Variants in SNCB observed in about 807,000 individuals in gnomAD.
SNCB encodes beta-synuclein.
Under a neutral mutation model 20.0 loss-of-function variants are expected in SNCB, and 8 were observed. The observed-to-expected ratio is 0.40, with a 90% CI of 0.24 to 0.72. The LOEUF (loss-of-function observed/expected upper bound fraction) is 0.72, where lower values mean the gene tolerates loss of function less well. Ranked by LOEUF, SNCB falls within the 30% of genes least tolerant of loss-of-function variation. SNCB has a pLI of 0.37. For missense variants in SNCB, 125 were observed against 168.0 expected (o/e 0.74, Z 1.41); for synonymous variants, 56 against 65.4 (o/e 0.86, Z 0.69).
Position 176,621,201 on chromosome 5 carries a change from GCTGCCCCCTCAC to G in SNCB, c.372+1_372+12del. The G allele has an allele frequency of 1.9e-6, 3 of 1,602,032 alleles. No individual in the cohort carries two copies. The highest frequency in any genetic ancestry group is 2.6e-6 in the Non-Finnish European group (3 of 1,170,996). ...GATTCCCAAAGTCCCGCCCAGCCCT[GCTGCCCCCTCAC>G]CTGGGGTGGGTCCTCATAACTCTCC... is the stretch of plus-strand genomic sequence containing the variant. On this transcript the variant is annotated splice_donor_variant and splice_donor_5th_base_variant and intron_variant, in intron 5 of 5. Coordinates refer to ENST00000393693, the MANE Select transcript of SNCB (RefSeq NM_003085.5). LOFTEE classifies it high-confidence loss of function. This position sits in a 1 kb window ranked among gnomAD's most constrained non-coding sequence, Gnocchi z 4.1.
At position 176,620,610 on chromosome 5, in the gene SNCB, C is replaced by G; in HGVS notation, c.*201G>C. On this transcript the variant is annotated 3_prime_UTR_variant, in exon 6 of 6. Transcript: ENST00000393693. The surrounding 1 kb of genome is among the most constrained non-coding windows in gnomAD (Gnocchi z 4.5). ...TCCCAGCCGCGACCGCAACCCTGGCCCTGTCCATGCCCCGGGGTTGGACGC... is the reference window on the plus strand; with the variant it reads ...TCCCAGCCGCGACCGCAACCCTGGCGCTGTCCATGCCCCGGGGTTGGACGC... 3.3e-6 allele frequency: 2 copies of G among 613,678 alleles called. No homozygotes were observed. Among genetic ancestry groups the G allele is most frequent in the South Asian group, 3.9e-5 (2 of 51,854 alleles). 38.0% of individuals were successfully genotyped at this position (613,678 alleles called of 1,614,324 possible).
chr5:176,620,953 A>T lies in SNCB; in HGVS notation c.373-110T>A. ...ACCCTCTCCCTGAAGGAGGAATAGC[A>T]CATTCCCCTTTTCCTGGGCAGGGGA... On this transcript the variant is annotated intron_variant, in intron 5 of 5. Transcript: ENST00000393693. This position sits in a 1 kb window ranked among gnomAD's most constrained non-coding sequence, Gnocchi z 4.5. 1 of 974,234 alleles carries T rather than the reference A, an allele frequency of 1.0e-6. No individual in the cohort carries two copies. The highest frequency in any genetic ancestry group is 1.7e-6 in the Non-Finnish European group (1 of 605,038). The allele number at this position is 974,234 out of a possible 1,614,324, so 60.3% of individuals were successfully genotyped here.
chr5:176,626,294 A>G lies in SNCB; in HGVS notation c.282+104T>C. On this transcript the variant is annotated intron_variant, in intron 4 of 5. Coordinates refer to ENST00000393693, the MANE Select transcript of SNCB (RefSeq NM_003085.5). This position sits in a 1 kb window ranked among gnomAD's most constrained non-coding sequence, Gnocchi z 4.2. ...GCTTGTGTTCCAAGCTGGTGGCAGG[A>G]TTAGGGGGGCGGGGATGGTGACAGG... The G allele has an allele frequency of 2.5e-5, 22 of 877,982 alleles. No homozygotes were observed. The highest frequency in any genetic ancestry group is 7.3e-5 in the East Asian group (3 of 41,074). 54.4% of individuals were successfully genotyped at this position (877,982 alleles called of 1,614,324 possible).
At position 176,629,186 on chromosome 5, in the gene SNCB, T is replaced by C. The variant is rs1003086669; in HGVS notation, c.121+348A>G. ...GCATTACATGAGGAAATGGATGTTA[T>C]GACATTTTACCCAGTACTTGGCATA... On this transcript the variant is annotated intron_variant, in intron 2 of 5. Transcript: ENST00000393693. The surrounding 1 kb of genome is among the most constrained non-coding windows in gnomAD (Gnocchi z 4.1). Among the ~76,000 whole-genome samples the C allele has an allele frequency of 2.0e-5, 3 of 152,174 alleles. No individual in the cohort carries two copies. Among genetic ancestry groups the C allele is most frequent in the African/African-American group, 7.2e-5 (3 of 41,410 alleles).
At position 176,621,860 on chromosome 5, in the gene SNCB, C is replaced by A. The variant is rs369085814; in HGVS notation, c.283-557G>T. 6.9e-4 allele frequency among the ~76,000 whole-genome samples: 105 copies of A among 152,362 alleles called. No individual in the cohort carries two copies. The highest frequency in any genetic ancestry group is 3.4e-3 in the Middle Eastern group (1 of 294). On this transcript the variant is annotated intron_variant, in intron 4 of 5. Transcript: ENST00000393693. The surrounding 1 kb of genome is among the most constrained non-coding windows in gnomAD (Gnocchi z 4.1). ...ATGTGTGAGCTAAGACTCTCCCCCC[C>A]ACCCGCTGCGTCTGCTGCCCAGACA...
intron 4 of SNCB, among the ~76,000 whole-genome samples, chr5:176,625,242 T>C (rs1759868434): frequency 6.6e-6 from 1 of 152,212 alleles, no homozygotes; most frequent in Non-Finnish European, 1.5e-5. Context: ...CAGCTCTTTA[T>C]ATCCATGGTT....
rs1332442793 is a variant in SNCB at position 176,626,525 on chromosome 5, G to C, written c.164-9C>G. 3.1e-6 allele frequency: 5 copies of C among 1,606,536 alleles called. No homozygotes were observed. The highest frequency in any genetic ancestry group is 3.4e-6 in the Non-Finnish European group (4 of 1,173,082). On this transcript the variant is annotated splice_polypyrimidine_tract_variant and intron_variant, in intron 3 of 5. Transcript: ENST00000393693. The surrounding 1 kb of genome is among the most constrained non-coding windows in gnomAD (Gnocchi z 4.2). ...CTTGGTTTTTTCAGCCACTGGAGCA[G>C]GGAGGGGGTTGAGGAAGGGGTTTGG... is the stretch of plus-strand genomic sequence containing the variant.
At chr5:176,625,695 T>C (rs963922445) in intron 4 of SNCB, among the ~76,000 whole-genome samples, 2 of 152,140 alleles carry the variant, frequency 1.3e-5, no homozygotes, top group Admixed American at 6.5e-5. Context: ...GAAACACAAC[T>C]GCACAGATCA....
intron 4 of SNCB, among the ~76,000 whole-genome samples, chr5:176,624,029 T>A (rs572618658): frequency 1.2e-4 from 19 of 152,316 alleles, no homozygotes; most frequent in Admixed American, 4.6e-4. Flanking sequence ...GAGTCCCCCA[T>A]GCCGCTGGTG....
rs1561899897 is a variant in SNCB at position 176,626,349 on chromosome 5, T to C, written c.282+49A>G. ...TTTGTGTGCCTGGTGTGTGTGTGTG[T>C]GTGTGTGTGTGTGTTTGCCTGCATG... On this transcript the variant is annotated intron_variant, in intron 4 of 5. Coordinates refer to ENST00000393693, the MANE Select transcript of SNCB (RefSeq NM_003085.5). This position sits in a 1 kb window ranked among gnomAD's most constrained non-coding sequence, Gnocchi z 4.2. 2.8e-6 allele frequency: 3 copies of C among 1,067,846 alleles called. No homozygotes were observed. Among genetic ancestry groups the C allele is most frequent in the African/African-American group, 1.6e-5 (1 of 64,338 alleles). 66.1% of individuals were successfully genotyped at this position (1,067,846 alleles called of 1,614,324 possible).
chr5:176,625,329 C>T (rs902447951), intron 4 of SNCB, among the ~76,000 whole-genome samples: 8 of 152,212 alleles, frequency 5.3e-5, no homozygotes, highest in Admixed American at 2.0e-4. Flanking sequence ...TCCAGCCCCA[C>T]CTCAGACCTA....
chr5:176,620,604 C>A lies in SNCB; in HGVS notation c.*207G>T. 1 of 610,518 alleles carries A rather than the reference C, an allele frequency of 1.6e-6. No homozygotes were observed. Among genetic ancestry groups the A allele is most frequent in the Non-Finnish European group, 2.9e-6 (1 of 342,212 alleles). 37.8% of individuals were successfully genotyped at this position (610,518 alleles called of 1,614,324 possible). A position where few individuals can be genotyped will look rare whatever the true frequency, so the allele number is the denominator to read the frequency against. ...CGAGGCTCCCAGCCGCGACCGCAAC[C>A]CTGGCCCTGTCCATGCCCCGGGGTT... On this transcript the variant is annotated 3_prime_UTR_variant, in exon 6 of 6. Transcript: ENST00000393693. The surrounding 1 kb of genome is among the most constrained non-coding windows in gnomAD (Gnocchi z 4.5).
At position 176,620,510 on chromosome 5, in the gene SNCB, C is replaced by T. The variant is rs1759511946; in HGVS notation, c.*301G>A. 4.6e-6 allele frequency: 2 copies of T among 431,508 alleles called. No individual in the cohort carries two copies. The highest frequency in any genetic ancestry group is 2.0e-5 in the African/African-American group (1 of 49,476). 26.7% of individuals were successfully genotyped at this position (431,508 alleles called of 1,614,324 possible). On this transcript the variant is annotated 3_prime_UTR_variant, in exon 6 of 6. Coordinates refer to ENST00000393693, the MANE Select transcript of SNCB (RefSeq NM_003085.5). The surrounding 1 kb of genome is among the most constrained non-coding windows in gnomAD (Gnocchi z 4.5). ...GGGGAGGAGCCGTCGCTCGGATCTTCGTTTAAAAACACATAGAACATGCTA... is the reference window on the plus strand; with the variant it reads ...GGGGAGGAGCCGTCGCTCGGATCTTTGTTTAAAAACACATAGAACATGCTA...
chr5:176,629,613 G>A lies in SNCB; in HGVS notation c.42C>T (p.Gly14=), dbSNP rs373426715. Residue 14 remains glycine (G), a synonymous_variant, in exon 2 of 6, where the codon GGC becomes GGT. Transcript: ENST00000393693. The surrounding 1 kb of genome is among the most constrained non-coding windows in gnomAD (Gnocchi z 4.1). ...FMKGLSMAKE[G]VVAAAEKTKQ... ...TGGTTTTCTCCGCGGCTGCCACAAC[G>A]CCCTCCTTGGCCATGGACAGGCCCT... 2.1e-5 allele frequency: 34 copies of A among 1,613,514 alleles called. No individual in the cohort carries two copies. The highest frequency in any genetic ancestry group is 3.3e-5 in the South Asian group (3 of 91,030).
chr5:176,621,341 A>G lies in SNCB; in HGVS notation c.283-38T>C. 2 of 1,555,982 alleles carry G rather than the reference A, an allele frequency of 1.3e-6. No individual in the cohort carries two copies. The highest frequency in any genetic ancestry group is 1.8e-6 in the Non-Finnish European group (2 of 1,134,978). ...AAGGTCAGGACTCGTGAGGACAGCCAGGATGCCCCCCAAATTCCCACAGTG... is the reference window on the plus strand; with the variant it reads ...AAGGTCAGGACTCGTGAGGACAGCCGGGATGCCCCCCAAATTCCCACAGTG... On this transcript the variant is annotated intron_variant, in intron 4 of 5. Coordinates refer to ENST00000393693, the MANE Select transcript of SNCB (RefSeq NM_003085.5). This position sits in a 1 kb window ranked among gnomAD's most constrained non-coding sequence, Gnocchi z 4.1.
intron 4 of SNCB, among the ~76,000 whole-genome samples, chr5:176,625,745 T>TC (rs1759900953): frequency 6.6e-6 from 1 of 152,192 alleles, no homozygotes; most frequent in Admixed American, 6.5e-5. Flanking sequence ...CCAACCTGCC[T>TC]CAGGGCCTTG....
At chr5:176,628,925 G>A (rs1445405649) in intron 2 of SNCB, among the ~76,000 whole-genome samples, 1 of 152,190 alleles carries the variant, frequency 6.6e-6, no homozygotes, top group Non-Finnish European at 1.5e-5. Context: ...AAAGTGGACG[G>A]GGAAGAGAGC....
Position 176,620,459 on chromosome 5 carries a change from C to G in SNCB, c.*352G>C. ...GGGTGCTCTGGGGCTGCCCGGGGGCCGCTTGGAGAGCCACTGTCGGGGATC... is the reference window on the plus strand; with the variant it reads ...GGGTGCTCTGGGGCTGCCCGGGGGCGGCTTGGAGAGCCACTGTCGGGGATC... On this transcript the variant is annotated 3_prime_UTR_variant, in exon 6 of 6. Transcript: ENST00000393693. The surrounding 1 kb of genome is among the most constrained non-coding windows in gnomAD (Gnocchi z 4.5). 1 of 340,430 alleles carries G rather than the reference C, an allele frequency of 2.9e-6. No individual in the cohort carries two copies. The highest frequency in any genetic ancestry group is 5.4e-6 in the Non-Finnish European group (1 of 184,730). 21.1% of individuals were successfully genotyped at this position (340,430 alleles called of 1,614,324 possible).
At chr5:176,623,481 G>T (rs1406026179) in intron 4 of SNCB, among the ~76,000 whole-genome samples, 1 of 152,114 alleles carries the variant, frequency 6.6e-6, no homozygotes, top group Non-Finnish European at 1.5e-5. Context: ...AGATGTTAGG[G>T]AGGCCTGGCC....
Sources: allele counts gnomAD v4.1 joint callset (sites outside exome capture counted in the v4.1 genomes callset), GRCh38; gene constraint gnomAD v4.1.1; non-coding constraint Gnocchi (gnomAD v3.1); transcripts MANE v1.5; gene names NCBI Gene and HGNC (gene_info 2026-07-23, HGNC 2026-07-21).